HDX: variants seen among roughly 807,000 people sequenced by gnomAD.
HDX encodes the protein highly divergent homeobox.
HDX carries 19 observed loss-of-function variants against 45.2 expected under a neutral mutation model. The ratio of observed to expected loss-of-function variants is 0.42; its 90% CI spans 0.29 to 0.62. HDX has a LOEUF of 0.62. HDX is among the 20% of genes least tolerant of loss of function. HDX has a pLI of 0.20. For missense variants in HDX, 532 were observed against 493.9 expected (o/e 1.08, Z -0.73); for synonymous variants, 188 against 172.8 (o/e 1.09, Z -0.69).
At chrX:84,394,051 A>AT (rs2038504279) in intron 5 of HDX, among the ~76,000 whole-genome samples, 1 of 108,351 alleles carries the variant, frequency 9.2e-6, no homozygotes, top group South Asian at 3.9e-4. Context: ...TTTGATTTTG[A>AT]TTTTTTTCTT....
Position 84,321,958 on chromosome X carries a change from T to G in HDX, c.2004A>C (p.Ser668=), listed in dbSNP as rs1023969938. The change falls in exon 11 of 11, where the codon TCA becomes TCC. Residue 668 remains serine, a synonymous_variant. Transcript: ENST00000373177. ...TGAATGAGGTATCATCAGGCTCCAG[T>G]GAGGCATGATTGAAATCCATTTCCT... ...ELEEMDFNHA[S]LEPDDTSFSV... is the part of the protein sequence containing the mutation. 2 of 1,172,559 alleles carry G rather than the reference T, an allele frequency of 1.7e-6. No individual in the cohort carries two copies. The highest frequency in any genetic ancestry group is 4.4e-5 in the Admixed American group (2 of 44,967).
intron 5 of HDX, among the ~76,000 whole-genome samples, chrX:84,389,845 GA>G: frequency 9.0e-6 from 1 of 110,515 alleles, no homozygotes; most frequent in Middle Eastern, 4.7e-3. Context: ...TGTTCCATGG[GA>G]AGATTCCCCA....
intron 6 of HDX, among the ~76,000 whole-genome samples, chrX:84,360,389 T>C (rs2037591650): frequency 8.9e-6 from 1 of 112,108 alleles, no homozygotes; most frequent in Non-Finnish European, 1.9e-5. Context: ...TCAATTCACC[T>C]CATGTAATTT....
chrX:84,367,958 T>C (rs1289735202), intron 5 of HDX, among the ~76,000 whole-genome samples: 3 of 111,553 alleles, frequency 2.7e-5, no homozygotes, highest in Non-Finnish European at 3.8e-5. Flanking sequence ...ATGTAACAAA[T>C]CTGCACGTTC....
intron 2 of HDX, among the ~76,000 whole-genome samples, chrX:84,484,256 G>A (rs984359200): frequency 2.7e-5 from 3 of 111,640 alleles, no homozygotes; most frequent in Non-Finnish European, 3.8e-5. Flanking sequence ...CTGTTCTCAC[G>A]CTGCTATAAA....
At chrX:84,374,686 G>A (rs1178416871) in intron 5 of HDX, among the ~76,000 whole-genome samples, 1 of 109,769 alleles carries the variant, frequency 9.1e-6, no homozygotes, top group Non-Finnish European at 1.9e-5. Flanking sequence ...AAACTGGCTA[G>A]CCATATGTAG....
chrX:84,437,173 G>C (rs1204717175), intron 5 of HDX, among the ~76,000 whole-genome samples: 2 of 111,386 alleles, frequency 1.8e-5, no homozygotes, highest in Non-Finnish European at 3.8e-5. Context: ...ATCTATATTG[G>C]ATAAAACAAA....
intron 3 of HDX, among the ~76,000 whole-genome samples, chrX:84,472,726 C>T (rs1010073506): frequency 5.4e-5 from 6 of 110,709 alleles, no homozygotes; most frequent in African/African-American, 2.0e-4. Context: ...ATAGTGAAAA[C>T]CCTGAGTCAA....
At chrX:84,408,064 A>AT (rs777627959) in intron 5 of HDX, among the ~76,000 whole-genome samples, 3 of 111,664 alleles carry the variant, frequency 2.7e-5, no homozygotes, top group Non-Finnish European at 3.8e-5. Flanking sequence ...CCATTTATCA[A>AT]TTTTTTGTTT....
chrX:84,334,996 A>G (rs1027220580), intron 8 of HDX, among the ~76,000 whole-genome samples: 5 of 111,059 alleles, frequency 4.5e-5, no homozygotes, highest in African/African-American at 1.6e-4. Context: ...TCACAAATTA[A>G]CTTGGAATGA....
At chrX:84,387,323 A>T (rs142720380) in intron 5 of HDX, among the ~76,000 whole-genome samples, 93 of 111,757 alleles carry the variant, frequency 8.3e-4, no homozygotes, top group Non-Finnish European at 1.6e-3. Flanking sequence ...TGGTTGCTGG[A>T]CGGAGTGACT....
chrX:84,368,154 T>G (rs2037806026), intron 5 of HDX, among the ~76,000 whole-genome samples: 1 of 111,799 alleles, frequency 8.9e-6, no homozygotes, highest in Non-Finnish European at 1.9e-5. Context: ...TTTGTTTTCT[T>G]GAAGCATAAG....
At chrX:84,431,894 A>T (rs1002900007) in intron 5 of HDX, among the ~76,000 whole-genome samples, 2 of 111,117 alleles carry the variant, frequency 1.8e-5, no homozygotes, top group Non-Finnish European at 1.9e-5. Flanking sequence ...TGGCATTTTC[A>T]TCATGAAGTC....
intron 10 of HDX, among the ~76,000 whole-genome samples, chrX:84,323,984 T>C (rs558578356): frequency 8.9e-6 from 1 of 112,508 alleles, no homozygotes; most frequent in South Asian, 3.6e-4. Flanking sequence ...AGTGGAGAAA[T>C]TGAAGTTCAA....
intron 4 of HDX, among the ~76,000 whole-genome samples, chrX:84,460,224 G>T (rs977537429): frequency 9.0e-6 from 1 of 111,441 alleles, no homozygotes; most frequent in Non-Finnish European, 1.9e-5. Context: ...AGACAAAGAT[G>T]TCTCAAAACA....
intron 4 of HDX, among the ~76,000 whole-genome samples, chrX:84,457,387 C>T (rs763614566): frequency 2.1e-4 from 23 of 111,235 alleles, no homozygotes; most frequent in Middle Eastern, 4.6e-3. Context: ...TAGTTCACCT[C>T]GGAAAAATAA....
intron 5 of HDX, among the ~76,000 whole-genome samples, chrX:84,409,081 T>G (rs773942955): frequency 2.7e-5 from 3 of 110,978 alleles, no homozygotes; most frequent in Non-Finnish European, 5.7e-5. Context: ...CAGACACTTC[T>G]CAAAAGAAGA....
intron 5 of HDX, among the ~76,000 whole-genome samples, chrX:84,365,150 T>C (rs911703106): frequency 1.3e-4 from 15 of 111,197 alleles, no homozygotes; most frequent in Non-Finnish European, 3.8e-5. Flanking sequence ...GGTAATTCTA[T>C]TTTTAATTTT....
intron 5 of HDX, among the ~76,000 whole-genome samples, chrX:84,375,752 G>C (rs1038164248): frequency 9.2e-6 from 1 of 108,661 alleles, no homozygotes; most frequent in African/African-American, 3.4e-5. Flanking sequence ...TGTGGGGTGG[G>C]GGGAGTGGGG....
Sources: gnomAD v4.1 joint callset for allele counts (sites outside exome capture counted in the v4.1 genomes callset) on GRCh38, gnomAD v4.1.1 for gene constraint, MANE v1.5 for transcripts, NCBI Gene and HGNC (gene_info 2026-07-23, HGNC 2026-07-21) for gene names.